Variants in SIL1 observed in about 807,000 individuals in gnomAD.
SIL1 encodes the protein nucleotide exchange factor SIL1.
Under a neutral mutation model 49.1 loss-of-function variants are expected in SIL1, and 40 were observed. That is an observed-to-expected ratio of 0.81 (90% CI 0.63 to 1.06). SIL1 has a LOEUF of 1.06. SIL1 is among the 50% of genes least tolerant of loss of function. The pLI, the probability that SIL1 is intolerant of heterozygous loss-of-function variation, is 0.00. For missense variants in SIL1, 500 were observed against 572.6 expected, an observed-to-expected ratio of 0.87 and a Z score of 1.29; for synonymous variants, 253 against 250.8, an observed-to-expected ratio of 1.01 and a Z score of -0.08.
intron 7 of SIL1, chr5:139,014,371 A>AAG (rs1263473242): frequency 6.6e-6 from 1 of 151,630 alleles, no homozygotes; most frequent in Non-Finnish European, 1.5e-5. Flanking sequence ...TCGTCTCAAA[A>AAG]AAAAAAAAAA....
chr5:139,122,583 A>G lies in SIL1; in HGVS notation c.106-1410T>C, dbSNP rs549552764. 2.6e-5 allele frequency among the ~76,000 whole-genome samples: 4 copies of G among 151,998 alleles called. No individual in the cohort carries two copies. In the East Asian group the frequency reaches 7.7e-4, roughly 29 times the overall value. ...ACACTTCAGCCTGTGTGACAGAGCA[A>G]GACCCTGTCTCAAAAAAAAAAAAAA... On this transcript the variant is annotated intron_variant, in intron 2 of 9. Transcript: ENST00000394817.
chr5:139,056,908 G>A (rs1354282998), intron 3 of SIL1, among the ~76,000 whole-genome samples: 4 of 151,966 alleles, frequency 2.6e-5, no homozygotes, highest in African/African-American at 7.2e-5. Flanking sequence ...TTGAGAAATC[G>A]GATGGTTGCC....
At chr5:139,154,835 G>C (rs1751377164) in intron 1 of SIL1, among the ~76,000 whole-genome samples, 1 of 152,012 alleles carries the variant, frequency 6.6e-6, no homozygotes, top group East Asian at 1.9e-4. Flanking sequence ...AGATTTAGGG[G>C]AAATTTTTCT....
In SIL1 at chr5:139,051,012, C is replaced by T; in HGVS notation, c.279G>A (p.Leu93=). 1.2e-6 allele frequency: 2 copies of T among 1,614,182 alleles called. No individual in the cohort carries two copies. The highest frequency in any genetic ancestry group is 2.2e-5 in the South Asian group (2 of 91,082). ...QAVPAGSHVR[L]NLQTGEREAK... ...CCTCTCTTTCCCCAGTCTGAAGATT[C>T]AGCCGTACGTGGGATCCTGCAGGGA... Residue 93 remains leucine (L), a synonymous_variant, in exon 4 of 10, where the codon CTG becomes CTA. Coordinates refer to ENST00000394817, the MANE Select transcript of SIL1 (RefSeq NM_022464.5).
At chr5:139,144,913 T>C (rs940510356) in intron 1 of SIL1, among the ~76,000 whole-genome samples, 2 of 151,980 alleles carry the variant, frequency 1.3e-5, no homozygotes, top group African/African-American at 2.4e-5. Context: ...GAAGAAAACA[T>C]GGGCAAAACC....
At chr5:139,119,573 C>A (rs1377793057) in intron 3 of SIL1, among the ~76,000 whole-genome samples, 3 of 152,110 alleles carry the variant, frequency 2.0e-5, no homozygotes, top group Non-Finnish European at 4.4e-5. Context: ...TTAGCCTGGG[C>A]AACAGGGCAA....
intron 1 of SIL1, among the ~76,000 whole-genome samples, chr5:139,131,972 G>A (rs554173181): frequency 6.6e-6 from 1 of 152,146 alleles, no homozygotes; most frequent in South Asian, 2.1e-4. Flanking sequence ...GCATTATCAG[G>A]ACAACATACA....
At chr5:138,990,960 C>T (rs1210656243) in intron 7 of SIL1, among the ~76,000 whole-genome samples, 1 of 152,256 alleles carries the variant, frequency 6.6e-6, no homozygotes, top group East Asian at 1.9e-4. Flanking sequence ...AGGTGATCCG[C>T]CTGCCTCAGC....
In SIL1 at chr5:138,948,104, G is replaced by C. The variant is rs1392086304; in HGVS notation, c.1030-631C>G. ...GCTGTAGGAAGTGTGCCTGTATGGA[G>C]AAAGAAGGAATGCCTGCCCTAACTC... On this transcript the variant is annotated intron_variant, in intron 9 of 9. Transcript: ENST00000394817. The surrounding 1 kb of genome is among the most constrained non-coding windows in gnomAD (Gnocchi z 4.8). 6.6e-6 allele frequency among the ~76,000 whole-genome samples: 1 copy of C among 152,192 alleles called. No individual in the cohort carries two copies. Among genetic ancestry groups the C allele is most frequent in the African/African-American group, 2.4e-5 (1 of 41,442 alleles).
intron 7 of SIL1, among the ~76,000 whole-genome samples, chr5:138,979,300 T>G (rs1767464036): frequency 6.6e-6 from 1 of 152,276 alleles, no homozygotes; most frequent in East Asian, 1.9e-4. Context: ...CCTGACCTCA[T>G]GATCTGCCCG....
chr5:138,965,797 A>G (rs147017434), intron 7 of SIL1, among the ~76,000 whole-genome samples: 2,916 of 126,150 alleles, frequency 0.023, 82 homozygotes, highest in African/African-American at 0.077. Flanking sequence ...TTTCTGTACA[A>G]CCTTAAGACA....
intron 1 of SIL1, among the ~76,000 whole-genome samples, chr5:139,176,380 C>A (rs906211670): frequency 1.3e-5 from 2 of 152,164 alleles, no homozygotes; most frequent in African/African-American, 4.8e-5. Flanking sequence ...CATGGCAATG[C>A]ACCTCAAAAC....
chr5:138,953,755 C>T (rs1364473387), intron 7 of SIL1, among the ~76,000 whole-genome samples: 1 of 152,214 alleles, frequency 6.6e-6, no homozygotes, highest in Non-Finnish European at 1.5e-5. Context: ...TCTCTGCCAT[C>T]ATGTGCCTAA....
At chr5:139,024,869 A>T (rs537535283) in intron 6 of SIL1, among the ~76,000 whole-genome samples, 1 of 152,178 alleles carries the variant, frequency 6.6e-6, no homozygotes, top group East Asian at 1.9e-4. Flanking sequence ...TATCTCTCTG[A>T]GCTGTATGTA....
Position 138,951,768 on chromosome 5 carries a change from G to C in SIL1, c.864+20C>G, listed in dbSNP as rs765908702. The C allele has an allele frequency of 9.9e-6, 16 of 1,609,696 alleles. No homozygotes were observed. The highest frequency in any genetic ancestry group is 1.4e-5 in the Non-Finnish European group (16 of 1,176,278). The stretch of plus-strand genomic sequence containing the variant: ...CACGTGTCCTGGAGGCTGGGCAGGA[G>C]GAAGGGCATGGAAACACACCTTCTT... On this transcript the variant is annotated intron_variant, in intron 8 of 9. Transcript: ENST00000394817.
intron 1 of SIL1, among the ~76,000 whole-genome samples, chr5:139,171,345 G>A (rs1164097736): frequency 6.6e-6 from 1 of 152,176 alleles, no homozygotes; most frequent in Non-Finnish European, 1.5e-5. Flanking sequence ...TTTTCATTTT[G>A]TTCTGTACTA....
chr5:139,038,363 T>C (rs1768963986), intron 5 of SIL1, among the ~76,000 whole-genome samples: 1 of 152,214 alleles, frequency 6.6e-6, no homozygotes, highest in Non-Finnish European at 1.5e-5. Context: ...AGGCTTAGTA[T>C]ACTGGTTCTG....
chr5:139,185,698 T>A (rs1288320153), intron 1 of SIL1, among the ~76,000 whole-genome samples: 1 of 152,234 alleles, frequency 6.6e-6, no homozygotes, highest in Non-Finnish European at 1.5e-5. Flanking sequence ...ACTGCACTGC[T>A]TTCAGTTTCT....
chr5:139,031,223 G>T (rs1484282786), intron 5 of SIL1, among the ~76,000 whole-genome samples: 1 of 151,662 alleles, frequency 6.6e-6, no homozygotes, highest in Admixed American at 6.6e-5. Context: ...GATGTTCTAT[G>T]TTTCATTCTA....
Sources: allele counts gnomAD v4.1 joint callset (sites outside exome capture counted in the v4.1 genomes callset), GRCh38; gene constraint gnomAD v4.1.1; non-coding constraint Gnocchi (gnomAD v3.1); transcripts MANE v1.5; gene names NCBI Gene and HGNC (gene_info 2026-07-23, HGNC 2026-07-21).